ARHGEF12: variants seen among roughly 807,000 people sequenced by gnomAD.
The protein encoded by ARHGEF12 is Rho guanine nucleotide exchange factor 12.
A neutral mutation model predicts 211.2 loss-of-function variants in ARHGEF12; 66 were observed. That is an observed-to-expected ratio of 0.31 (90% CI 0.26 to 0.38). The LOEUF (loss-of-function observed/expected upper bound fraction) is 0.38, where lower values mean the gene tolerates loss of function less well. Among genes scored for constraint, ARHGEF12 ranks in the 10% least tolerant of loss-of-function variants. The pLI is 1.00. For missense variants in ARHGEF12, 1,429 were observed against 1,869.5 expected, an observed-to-expected ratio of 0.76 and a Z score of 4.34; for synonymous variants, 592 against 638.4, an observed-to-expected ratio of 0.93 and a Z score of 1.09.
At chr11:120,432,594 G>A (rs1945580614) in intron 11 of ARHGEF12, among the ~76,000 whole-genome samples, 1 of 152,192 alleles carries the variant, frequency 6.6e-6, no homozygotes, top group South Asian at 2.1e-4. Flanking sequence ...GAAGAAGTCT[G>A]AACGAATGTT....
At chr11:120,467,386 C>A in intron 29 of ARHGEF12, 78 bp downstream of exon 29, 2 of 797,256 alleles carry the variant, frequency 2.5e-6, no homozygotes, top group Admixed American at 2.4e-5. Context: ...TAATATCTTA[C>A]AGCGTCCTGA....
intron 1 of ARHGEF12, chr11:120,385,602 G>A (rs939132049): frequency 2.0e-6 from 1 of 505,436 alleles, no homozygotes. Context: ...GAAAGGAAAA[G>A]GATATTTTTA....
intron 27 of ARHGEF12, chr11:120,463,525 C>CAAAAAAAAAAAAAAAAAAAAACAAAAAA (rs1946599781): frequency 1.2e-5 from 1 of 81,678 alleles, no homozygotes; most frequent in African/African-American, 4.3e-5. Flanking sequence ...AACTCAGTCT[C>CAAAAAAAAAAAAAAAAAAAAACAAAAAA]AAAAAAAAAA....
chr11:120,448,987 G>C, intron 20 of ARHGEF12, 122 bp from the exon 21 acceptor site: 1 of 762,682 alleles, frequency 1.3e-6, no homozygotes, highest in Non-Finnish European at 2.1e-6. Flanking sequence ...GCATACACAC[G>C]TGTACGGGTT....
intron 12 of ARHGEF12, chr11:120,439,291 A>G (rs1461763009): frequency 6.6e-6 from 1 of 152,154 alleles, no homozygotes; most frequent in African/African-American, 2.4e-5. Flanking sequence ...GAATTTTGTT[A>G]TCTTTGTTTC....
rs1947122447 is a variant in ARHGEF12 at position 120,478,350 on chromosome 11, G to A, written c.3727G>A (p.Val1243Ile). The A allele has an allele frequency of 1.2e-6, 2 of 1,614,212 alleles. No homozygotes were observed. Among genetic ancestry groups the A allele is most frequent in the Non-Finnish European group, 1.7e-6 (2 of 1,180,034 alleles). ...QIAIPDSHLPVSEERWALDAL... is the reference protein window; with the variant it reads ...QIAIPDSHLPISEERWALDAL... ...CGCAATCCCAGATTCACACCTGCCT[G>A]TCTCAGAAGAACGGTGGGCATTGGA... The change falls in exon 37 of 41, where the codon GTC (valine) becomes ATC (isoleucine). Residue 1243 changes from valine (V) to isoleucine (I), a missense_variant. Physicochemically the swap from Val to Ile is conservative, Grantham distance 29 (BLOSUM62 3). Coordinates refer to ENST00000397843, the MANE Select transcript of ARHGEF12 (RefSeq NM_015313.3).
intron 8 of ARHGEF12, 96 bp from the exon 9 acceptor site, chr11:120,429,344 C>T (rs1486881752): frequency 2.3e-5 from 22 of 967,272 alleles, no homozygotes; most frequent in Middle Eastern, 3.3e-4. Flanking sequence ...TAATTGGAGC[C>T]GAGGCAGAAC....
chr11:120,387,847 G>A (rs932196665), intron 1 of ARHGEF12, among the ~76,000 whole-genome samples: 1 of 152,090 alleles, frequency 6.6e-6, no homozygotes, highest in African/African-American at 2.4e-5. Flanking sequence ...TTGCTTAAAA[G>A]ATATTTCGTA....
intron 1 of ARHGEF12, among the ~76,000 whole-genome samples, chr11:120,355,768 C>T (rs1212732516): frequency 3.3e-5 from 5 of 152,166 alleles, no homozygotes; most frequent in Non-Finnish European, 7.3e-5. Context: ...ACATTTGCTA[C>T]TGTACCCAAT....
At position 120,485,412 on chromosome 11, in the gene ARHGEF12, A is replaced by G. The variant is rs1236763761; in HGVS notation, c.*335A>G. The G allele has an allele frequency of 7.3e-6, 2 of 275,388 alleles. No homozygotes were observed. The highest frequency in any genetic ancestry group is 5.2e-5 in the Admixed American group (1 of 19,238). The allele number at this position is 275,388 out of a possible 1,614,324, so 17.1% of individuals were successfully genotyped here. A position where few individuals can be genotyped will look rare whatever the true frequency, so the allele number is the denominator to read the frequency against. Reference sequence around the variant, plus strand: ...AGATTTAAGAAAAAGAGAAAATCAGATGTATTTATTTGACTTCATTCCGTA... The same window carrying G: ...AGATTTAAGAAAAAGAGAAAATCAGGTGTATTTATTTGACTTCATTCCGTA... On this transcript the variant is annotated 3_prime_UTR_variant, in exon 41 of 41. Transcript: ENST00000397843.
At chr11:120,370,460 T>G (rs1235597931) in intron 1 of ARHGEF12, among the ~76,000 whole-genome samples, 1 of 152,220 alleles carries the variant, frequency 6.6e-6, no homozygotes, top group African/African-American at 2.4e-5. Flanking sequence ...CTTAGCTTTT[T>G]CTTTTTCCAT....
At chr11:120,473,982 C>T (rs1054279552) in intron 31 of ARHGEF12, among the ~76,000 whole-genome samples, 4 of 152,112 alleles carry the variant, frequency 2.6e-5, no homozygotes, top group Admixed American at 6.6e-5. Flanking sequence ...ATTAATACTT[C>T]GTCAACAAGC....
chr11:120,451,777 C>A, intron 22 of ARHGEF12, 53 bp downstream of exon 22: 2 of 1,505,326 alleles, frequency 1.3e-6, no homozygotes, highest in Non-Finnish European at 1.8e-6. Context: ...TTAAAACAAA[C>A]ACACTAACTG....
intron 30 of ARHGEF12, among the ~76,000 whole-genome samples, chr11:120,472,716 G>T (rs768524723): frequency 6.6e-6 from 1 of 151,826 alleles, no homozygotes; most frequent in Non-Finnish European, 1.5e-5. Context: ...GTGCAGTGGC[G>T]TGATCTCGGC....
intron 22 of ARHGEF12, 135 bp downstream of exon 22, chr11:120,451,859 A>G (rs992700279): frequency 1.3e-4 from 104 of 799,348 alleles, no homozygotes; most frequent in Middle Eastern, 6.4e-4. Flanking sequence ...ATATGCTACA[A>G]CCAATAAGAA....
chr11:120,435,984 A>T (rs1316025371), intron 11 of ARHGEF12, among the ~76,000 whole-genome samples: 1 of 152,216 alleles, frequency 6.6e-6, no homozygotes, highest in Non-Finnish European at 1.5e-5. Flanking sequence ...CTAATAGGTT[A>T]CCCTAAAATA....
intron 2 of ARHGEF12, 130 bp from the exon 3 acceptor site, chr11:120,407,608 G>A (rs1357633732): frequency 1.8e-5 from 10 of 565,316 alleles, no homozygotes. Flanking sequence ...GTAAATTAGA[G>A]AGGCTTATGG....
chr11:120,438,993 T>C (rs1945784251), intron 12 of ARHGEF12: 1 of 152,164 alleles, frequency 6.6e-6, no homozygotes, highest in African/African-American at 2.4e-5. Context: ...GCTAAGACTA[T>C]AGACACACGC....
intron 15 of ARHGEF12, among the ~76,000 whole-genome samples, chr11:120,443,911 G>C (rs543703888): frequency 6.6e-6 from 1 of 152,294 alleles, no homozygotes; most frequent in East Asian, 1.9e-4. Flanking sequence ...AGCAAGATGT[G>C]CATAGGTTAT....
Sources: gnomAD v4.1 joint callset for allele counts (sites outside exome capture counted in the v4.1 genomes callset) on GRCh38, gnomAD v4.1.1 for gene constraint, MANE v1.5 for transcripts, NCBI Gene and HGNC (gene_info 2026-07-23, HGNC 2026-07-21) for gene names.